RAB37: variants seen among roughly 807,000 people sequenced by gnomAD.
RAB37 encodes the protein ras-related protein Rab-37.
A neutral mutation model predicts 33.1 loss-of-function variants in RAB37; 29 were observed. The ratio of observed to expected loss-of-function variants is 0.88; its 90% CI spans 0.65 to 1.20. RAB37 has a LOEUF of 1.20. Among genes scored for constraint, RAB37 ranks in the 50% most tolerant of loss-of-function variants. The pLI is 0.00. For synonymous variants in RAB37, 128 were observed against 119.5 expected (o/e 1.07, Z -0.47); for missense variants, 299 against 301.1 (o/e 0.99, Z 0.05).
At chr17:74,735,297 T>C (rs2034459599), upstream of RAB37, among the ~76,000 whole-genome samples, 1 of 152,062 alleles carries the variant, frequency 6.6e-6, no homozygotes, top group Non-Finnish European at 1.5e-5. Flanking sequence ...CCCAGCAATT[T>C]GGAAGGCCAA....
intron 1 of RAB37, chr17:74,672,669 A>C (rs1360831438): frequency 6.6e-6 from 1 of 152,238 alleles, no homozygotes; most frequent in African/African-American, 2.4e-5. Context: ...GCCAGAAATT[A>C]CTACTACACG....
At position 74,744,851 on chromosome 17, in the gene RAB37, G is replaced by A; in HGVS notation, c.433-22G>A. ...TGGGGCGGAGGCCTCCTTCCCCAGA[G>A]TGACCCATTTGGGCTTGACAGGCGG... On this transcript the variant is annotated intron_variant, in intron 6 of 8. Coordinates refer to ENST00000392613, the MANE Select transcript of RAB37 (RefSeq NM_001006638.3). This position sits in a 1 kb window ranked among gnomAD's most constrained non-coding sequence, Gnocchi z 4.2. 6.2e-7 allele frequency: 1 copy of A among 1,614,222 alleles called. No individual in the cohort carries two copies. The highest frequency in any genetic ancestry group is 8.5e-7 in the Non-Finnish European group (1 of 1,180,004).
chr17:74,689,260 T>C (rs982098092), intron 1 of RAB37, among the ~76,000 whole-genome samples: 25 of 152,026 alleles, frequency 1.6e-4, no homozygotes, highest in African/African-American at 4.8e-5. Flanking sequence ...CTGACCAACA[T>C]GGTGAAGCCC....
chr17:74,671,617 G>A lies in RAB37; in HGVS notation c.31G>A (p.Gly11Arg). The A allele has an allele frequency of 6.2e-7, 1 of 1,614,222 alleles. No homozygotes were observed. The highest frequency in any genetic ancestry group is 8.5e-7 in the Non-Finnish European group (1 of 1,180,036). The change falls in exon 1 of 8, where the codon GGA becomes AGA. Residue 11 changes from glycine (G) to arginine (R), a missense_variant. By Grantham distance (125) the Gly-to-Arg change is moderately radical. Coordinates refer to the RAB37 transcript ENST00000340415. The surrounding 1 kb of genome is among the most constrained non-coding windows in gnomAD (Gnocchi z 5.0). ...CCTGCAGAGACCCGATTCCTACCAG[G>A]GAGGAGCTGGCCCTGACTTCAACGA...
chr17:74,698,501 TC>T, intron 1 of RAB37: 1 of 1,599,508 alleles, frequency 6.3e-7, no homozygotes, highest in Non-Finnish European at 8.5e-7. Context: ...ATGGCAAGCG[TC>T]CCCTGCATCC....
At chr17:74,717,774 A>G (rs2034184900) in intron 1 of RAB37, among the ~76,000 whole-genome samples, 1 of 147,516 alleles carries the variant, frequency 6.8e-6, no homozygotes, top group South Asian at 2.1e-4. Context: ...GTACCATTGC[A>G]CTCCAGCCTG....
At chr17:74,695,872 A>T (rs748826621) in intron 1 of RAB37, 1 of 1,610,990 alleles carries the variant, frequency 6.2e-7, no homozygotes, top group Non-Finnish European at 8.5e-7. Flanking sequence ...GGGACAGGGA[A>T]CACAGGCTGG....
chr17:74,737,414 C>T (rs773325367), intron 1 of RAB37, 49 bp downstream of exon 1: 11 of 1,507,900 alleles, frequency 7.3e-6, no homozygotes, highest in South Asian at 6.2e-5. Flanking sequence ...GCGCTAGCCC[C>T]TTCCTGGCTG....
intron 1 of RAB37, among the ~76,000 whole-genome samples, chr17:74,693,310 G>A (rs1244733984): frequency 1.3e-5 from 2 of 152,214 alleles, no homozygotes; most frequent in Non-Finnish European, 1.5e-5. Flanking sequence ...GGTGTGCATG[G>A]AGCAGAGCCT....
rs749983019 is a variant in RAB37 at position 74,698,359 on chromosome 17, G to A, written c.72+26701G>A. ...CCAGTCTCAGCCCAGCCTCACCCAG[G>A]TCCTCTCACCTTTCTGCTGGTACTT... On this transcript the variant is annotated intron_variant, in intron 1 of 7. Coordinates refer to the RAB37 transcript ENST00000340415. 3 of 1,595,570 alleles carry A rather than the reference G, an allele frequency of 1.9e-6. No homozygotes were observed. In the South Asian group the frequency reaches 3.3e-5, roughly 18 times the overall value.
At chr17:74,725,941 TAA>T (rs889228292) in intron 1 of RAB37, among the ~76,000 whole-genome samples, 25 of 148,304 alleles carry the variant, frequency 1.7e-4, no homozygotes, top group African/African-American at 5.9e-4. Flanking sequence ...CTAATGCTGA[TAA>T]AAAAAAGACC....
intron 1 of RAB37, chr17:74,705,139 A>G: frequency 1.5e-6 from 1 of 681,850 alleles, no homozygotes; most frequent in Non-Finnish European, 2.7e-6. Context: ...TTTTGCAGCC[A>G]TCTTTGTGTT....
chr17:74,713,088 CG>C, intron 1 of RAB37: 1 of 522,512 alleles, frequency 1.9e-6, no homozygotes, highest in Non-Finnish European at 3.5e-6. Flanking sequence ...GGGCGGATCA[CG>C]AGATCAGGAG....
At chr17:74,739,652 C>T (rs1487708150) in intron 1 of RAB37, among the ~76,000 whole-genome samples, 1 of 151,420 alleles carries the variant, frequency 6.6e-6, no homozygotes, top group Non-Finnish European at 1.5e-5. Context: ...GTCTCCGCCT[C>T]CCAAGTAACT....
rs2034766220 is a variant in RAB37, at chr17:74,746,638, T to A, written c.*1227T>A. The A allele has an allele frequency of 6.6e-6, 1 of 152,178 alleles. No individual in the cohort carries two copies. Among genetic ancestry groups the A allele is most frequent in the Non-Finnish European group, 1.5e-5 (1 of 68,032 alleles). 9.4% of individuals were successfully genotyped at this position (152,178 alleles called of 1,614,324 possible). A position where few individuals can be genotyped will look rare whatever the true frequency, so the allele number is the denominator to read the frequency against. On this transcript the variant is annotated 3_prime_UTR_variant, in exon 9 of 9. Coordinates refer to ENST00000392613, the MANE Select transcript of RAB37 (RefSeq NM_001006638.3). The surrounding 1 kb of genome is among the most constrained non-coding windows in gnomAD (Gnocchi z 5.2). ...AGAGCCAGATAAGGAGAAATCCCTT[T>A]CCTAGGTTTGGAATGTGTTGTGAAA...
At chr17:74,718,603 G>A (rs1043093398) in intron 1 of RAB37, among the ~76,000 whole-genome samples, 1 of 152,150 alleles carries the variant, frequency 6.6e-6, no homozygotes, top group African/African-American at 2.4e-5. Context: ...TCAGCAACAG[G>A]TAGGCTAAAC....
intron 1 of RAB37, among the ~76,000 whole-genome samples, chr17:74,672,216 T>C (rs564798832): frequency 6.6e-6 from 1 of 152,318 alleles, no homozygotes; most frequent in African/African-American, 2.4e-5. Flanking sequence ...CACTCAAGTT[T>C]CTTATGCAAC....
intron 2 of RAB37, 58 bp downstream of exon 2, chr17:74,740,936 G>A (rs2034599041): frequency 2.3e-6 from 3 of 1,318,776 alleles, no homozygotes; most frequent in Non-Finnish European, 3.3e-6. Flanking sequence ...GCTCAGGCAT[G>A]GGGGGGTTGC....
At chr17:74,699,412 T>C (rs1017156441) in intron 1 of RAB37, among the ~76,000 whole-genome samples, 4 of 152,072 alleles carry the variant, frequency 2.6e-5, no homozygotes, top group African/African-American at 9.7e-5. Context: ...TGTGACCTAT[T>C]TGTGGATGTA....
Sources: gnomAD v4.1 joint callset for allele counts (sites outside exome capture counted in the v4.1 genomes callset) on GRCh38, gnomAD v4.1.1 for gene constraint, Gnocchi (gnomAD v3.1) non-coding constraint, MANE v1.5 for transcripts, NCBI Gene and HGNC (gene_info 2026-07-23, HGNC 2026-07-21) for gene names.